The following SPTBN5 variants were observed in gnomAD, a reference collection of about 807,000 sequenced individuals.
The protein encoded by SPTBN5 is spectrin beta, non-erythrocytic 5, also known as spectrin beta chain, non-erythrocytic 5.
SPTBN5 carries 513 observed loss-of-function variants against 477.6 expected under a neutral mutation model. The observed-to-expected ratio is 1.07, with a 90% CI of 1.00 to 1.16. The LOEUF is 1.16. SPTBN5 is among the 50% of genes most tolerant of loss of function. The probability of loss-of-function intolerance (pLI) is 0.00; values close to 1 mark genes in which losing one functional copy is unlikely to be tolerated. For synonymous variants in SPTBN5, 2,169 were observed against 2,011.7 expected (o/e 1.08, Z -2.09); for missense variants, 5,062 against 4,731.8 (o/e 1.07, Z -2.05).
intron 51 of SPTBN5, 42 bp downstream of exon 51, chr15:41,857,196 A>AGGAAGGCAGGGAAGAGAAGC (rs2065949487): frequency 1.3e-6 from 2 of 1,557,042 alleles, no homozygotes; most frequent in Non-Finnish European, 1.7e-6. Context: ...GGGTCCCTCC[A>AGGAAGGCAGGGAAGAGAAGC]GGAAGGCAGG....
chr15:41,876,111 C>T lies in SPTBN5; in HGVS notation c.4122+3G>A, dbSNP rs369215713. 5.6e-5 allele frequency: 90 copies of T among 1,596,072 alleles called. 1 individual carries two copies. The highest frequency in any genetic ancestry group is 6.6e-5 in the Non-Finnish European group (78 of 1,175,310). On this transcript the variant is annotated splice_donor_region_variant and intron_variant, in intron 21 of 67. Transcript: ENST00000320955. ...TCTGCACCCTCTGTCCCGTGTCCCCCACCTGCTGCAGGGCCTCCACGTGTC... is the reference window on the plus strand; with the variant it reads ...TCTGCACCCTCTGTCCCGTGTCCCCTACCTGCTGCAGGGCCTCCACGTGTC...
At chr15:41,852,146 C>T (rs374356292) in intron 62 of SPTBN5, 36 bp downstream of exon 62, 87 of 1,545,210 alleles carry the variant, frequency 5.6e-5, no homozygotes, top group Non-Finnish European at 6.6e-5. Flanking sequence ...AGGGAGACCA[C>T]GGCGGGGGTG....
intron 6 of SPTBN5, 122 bp from the exon 7 acceptor site, chr15:41,886,488 G>C: frequency 4.3e-6 from 5 of 1,152,266 alleles, no homozygotes; most frequent in Non-Finnish European, 5.9e-6. Context: ...AAGATGCTTT[G>C]AAGTGGTGGT....
chr15:41,876,220 T>C lies in SPTBN5; in HGVS notation c.4016A>G (p.His1339Arg), dbSNP rs776789466. The change falls in exon 21 of 68, where the codon CAT becomes CGT. Residue 1339 changes from histidine (H) to arginine (R), a missense_variant. His to Arg is a conservative substitution (Grantham distance 29). Transcript: ENST00000320955. ...GTTTCTGCGCGCTCCGGAGGGCTCATGCGCAGCCATCAGCCCCTTCTCTTC... is the reference window on the plus strand; with the variant it reads ...GTTTCTGCGCGCTCCGGAGGGCTCACGCGCAGCCATCAGCCCCTTCTCTTC... ...WMEEKGLMAAHEPSGARRNIL... is the reference protein window; with the variant it reads ...WMEEKGLMAAREPSGARRNIL... 13 of 1,603,870 alleles carry C rather than the reference T, an allele frequency of 8.1e-6. No individual in the cohort carries two copies. Among genetic ancestry groups the C allele is most frequent in the South Asian group, 1.1e-5 (1 of 91,040 alleles).
chr15:41,859,065 A>C, intron 47 of SPTBN5, 85 bp from the exon 48 acceptor site: 1 of 1,057,760 alleles, frequency 9.5e-7, no homozygotes, highest in East Asian at 2.8e-5. Flanking sequence ...CTCGGGTATG[A>C]ATATACTCTG....
chr15:41,861,583 G>A, intron 45 of SPTBN5, 87 bp from the exon 46 acceptor site: 1 of 1,544,392 alleles, frequency 6.5e-7, no homozygotes, highest in Non-Finnish European at 8.9e-7. Context: ...ACAGGTTAGG[G>A]AACCAGGGTC....
chr15:41,878,024 G>T (rs79057802), intron 17 of SPTBN5, among the ~76,000 whole-genome samples: 15 of 151,916 alleles, frequency 9.9e-5, no homozygotes, highest in Non-Finnish European at 1.6e-4. Context: ...AGGACGGCAG[G>T]GGGGGCTAGA....
intron 36 of SPTBN5, 126 bp from the exon 37 acceptor site, chr15:41,866,619 G>A (rs2066326217): frequency 8.9e-7 from 1 of 1,127,956 alleles, no homozygotes; most frequent in African/African-American, 1.6e-5. Flanking sequence ...CCTGGTAAAT[G>A]AGCCCTGAAG....
chr15:41,856,309 C>A, intron 53 of SPTBN5, 77 bp downstream of exon 53: 5 of 1,331,864 alleles, frequency 3.8e-6, no homozygotes, highest in Middle Eastern at 2.7e-4. Flanking sequence ...AGGCCAGGAG[C>A]CCCGGAGTGA....
At chr15:41,884,364 C>A (rs1055049276) in intron 7 of SPTBN5, among the ~76,000 whole-genome samples, 2 of 152,164 alleles carry the variant, frequency 1.3e-5, no homozygotes, top group Non-Finnish European at 2.9e-5. Context: ...AGGTGATCCA[C>A]CCGCCTTGGC....
In SPTBN5 at chr15:41,855,405, TGCAGCTGGGCTA is replaced by T. The variant is rs2065903411; in HGVS notation, c.9230_9241del (p.Leu3077_Leu3080del). On this transcript the variant is annotated inframe_deletion, in exon 55 of 68. Coordinates refer to ENST00000320955, the MANE Select transcript of SPTBN5 (RefSeq NM_016642.4). ...CTCTGCGTGGGCCTCCCGAACTGCC[TGCAGCTGGGCTA>T]GCACCTTGGGGCTGTGGGAAGAGAG... The T allele has an allele frequency of 1.2e-6, 2 of 1,604,064 alleles. No individual in the cohort carries two copies. The highest frequency in any genetic ancestry group is 2.7e-5 in the African/African-American group (2 of 74,936).
intron 31 of SPTBN5, 51 bp downstream of exon 31, chr15:41,870,192 C>A: frequency 1.3e-6 from 2 of 1,521,442 alleles, no homozygotes; most frequent in South Asian, 2.4e-5. Flanking sequence ...GGCAGGCCAG[C>A]CTGAGGGGGC....
rs1156457567 is a variant in SPTBN5 at position 41,868,498 on chromosome 15, T to C, written c.5957A>G (p.Gln1986Arg). The C allele has an allele frequency of 6.2e-7, 1 of 1,611,080 alleles. No individual in the cohort carries two copies. The highest frequency in any genetic ancestry group is 1.3e-5 in the African/African-American group (1 of 74,938). Residue 1986 changes from glutamine (Q) to arginine (R), a missense_variant, in exon 33 of 68, where the codon CAG (glutamine) becomes CGG (arginine). Gln to Arg is a conservative substitution (Grantham distance 43). Coordinates refer to ENST00000320955, the MANE Select transcript of SPTBN5 (RefSeq NM_016642.4). The stretch of plus-strand genomic sequence containing the variant: ...GGCCTCCAGCTCCGCCCGGAGCCAC[T>C]GGTGGGCACTGAGCTTCAGCGGGCC... ...SSGPLKLSAH[Q>R]WLRAELEARE... is the part of the protein sequence containing the mutation.
intron 34 of SPTBN5, among the ~76,000 whole-genome samples, 185 bp downstream of exon 34, chr15:41,867,884 C>G (rs2066384906): frequency 6.6e-6 from 1 of 152,224 alleles, no homozygotes; most frequent in Non-Finnish European, 1.5e-5. Context: ...GGGATAGGGG[C>G]TGGGGATGTC....
chr15:41,882,198 G>T, intron 11 of SPTBN5, 53 bp from the exon 12 acceptor site: 1 of 1,474,242 alleles, frequency 6.8e-7, no homozygotes, highest in Non-Finnish European at 8.9e-7. Flanking sequence ...CTGAGCGCGG[G>T]CAGGTGCTGG....
At position 41,882,452 on chromosome 15, in the gene SPTBN5, G is replaced by C; in HGVS notation, c.2064C>G (p.Val688=). Residue 688 remains valine, a synonymous_variant, in exon 11 of 68, where the codon GTC becomes GTG. Transcript: ENST00000320955. ...LQKHKALEAE[V]HRHQAVCVDL... ...CTACGCACACGGCCTGGTGGCGGTG[G>C]ACCTCAGCTTCCAGGGCCTAGCGGG... is the stretch of plus-strand genomic sequence containing the variant. 10 of 1,552,588 alleles carry C rather than the reference G, an allele frequency of 6.4e-6. No individual in the cohort carries two copies. Among genetic ancestry groups the C allele is most frequent in the Non-Finnish European group, 8.7e-6 (10 of 1,155,468 alleles).
rs774831131 is a variant in SPTBN5 at position 41,874,346 on chromosome 15, G to A, written c.4635C>T (p.Pro1545=). ...CATTCAAGCACTCGGTATAGCTGGT[G>A]GGGCTGCCATGGGGCATGTGCTCGG... The part of the protein sequence containing the change: ...WVAEHMPHGS[P]TSYTECLNGA... The change falls in exon 24 of 68, where the codon CCC becomes CCT. Residue 1545 remains proline, a synonymous_variant. Coordinates refer to ENST00000320955, the MANE Select transcript of SPTBN5 (RefSeq NM_016642.4). 6.2e-7 allele frequency: 1 copy of A among 1,613,870 alleles called. No homozygotes were observed. The highest frequency in any genetic ancestry group is 8.5e-7 in the Non-Finnish European group (1 of 1,179,870).
In SPTBN5 at chr15:41,852,937, G is replaced by A. The variant is rs187037933; in HGVS notation, c.10234C>T (p.Arg3412Cys). The A allele has an allele frequency of 4.7e-5, 74 of 1,581,510 alleles. No homozygotes were observed. The East Asian group carries it at 1.2e-3, about 26-fold the overall frequency. The change falls in exon 60 of 68, where the codon CGC becomes TGC. Residue 3412 changes from arginine to cysteine, a missense_variant. By Grantham distance (180) the Arg-to-Cys change is radical (BLOSUM62 -3). Transcript: ENST00000320955. ...LQELEEAWAL[R>C]WQRCAESWGL... The stretch of plus-strand genomic sequence containing the variant: ...CAGCTCTCGGCACAGCGTTGCCAGC[G>A]CAGGGCCCAAGCCTCCTCCAGCTCC...
In SPTBN5 at chr15:41,862,859, G is replaced by C; in HGVS notation, c.7194C>G (p.Ser2398Arg). 6.3e-7 allele frequency: 1 copy of C among 1,590,478 alleles called. No individual in the cohort carries two copies. Among genetic ancestry groups the C allele is most frequent in the African/African-American group, 1.3e-5 (1 of 74,560 alleles). The part of the protein sequence containing the change: ...QALDCGKDLE[S>R]VQRLLRKHEE... The stretch of plus-strand genomic sequence containing the variant: ...CGTGTTTCCGCAGCAGCCTCTGCAC[G>C]CTCTCCAGATCTTTCCCACAGTCCA... Residue 2398 changes from serine (S) to arginine (R), a missense_variant, in exon 42 of 68, where the codon AGC (serine) becomes AGG (arginine). Coordinates refer to ENST00000320955, the MANE Select transcript of SPTBN5 (RefSeq NM_016642.4).
Sources: allele counts gnomAD v4.1 joint callset (sites outside exome capture counted in the v4.1 genomes callset), GRCh38; gene constraint gnomAD v4.1.1; transcripts MANE v1.5; gene names NCBI Gene and HGNC (gene_info 2026-07-23, HGNC 2026-07-21).